DACH2: variants seen among roughly 807,000 people sequenced by gnomAD.
DACH2 encodes dachshund family transcription factor 2.
In DACH2, 17 loss-of-function variants were observed where a neutral mutation model predicts 35.8. That is an observed-to-expected ratio of 0.48 (90% CI 0.33 to 0.71). The LOEUF is 0.71. Among genes scored for constraint, DACH2 ranks in the 30% least tolerant of loss-of-function variants. DACH2 has a pLI of 0.02. For missense variants in DACH2, 469 were observed against 472.7 expected, an observed-to-expected ratio of 0.99 and a Z score of 0.07; for synonymous variants, 195 against 177.3, an observed-to-expected ratio of 1.10 and a Z score of -0.79.
At chrX:86,703,728 C>G (rs978374096) in intron 5 of DACH2, among the ~76,000 whole-genome samples, 1 of 110,626 alleles carries the variant, frequency 9.0e-6, no homozygotes, top group Non-Finnish European at 1.9e-5. Flanking sequence ...GTCGAAAGAT[C>G]TCTACCTAGG....
chrX:86,737,843 C>T (rs921438652), intron 6 of DACH2, among the ~76,000 whole-genome samples: 1 of 111,789 alleles, frequency 8.9e-6, no homozygotes, highest in African/African-American at 3.3e-5. Flanking sequence ...GTTTAGGATA[C>T]TAATGATCCT....
chrX:86,455,425 C>T (rs1372853521), intron 2 of DACH2, among the ~76,000 whole-genome samples: 3 of 111,524 alleles, frequency 2.7e-5, no homozygotes, highest in Non-Finnish European at 5.7e-5. Context: ...ACCGTCCCTC[C>T]CCCCGAAACT....
At chrX:86,599,518 C>CTTTCTTTCTTTCTTTCTTT (rs1569449953) in intron 3 of DACH2, among the ~76,000 whole-genome samples, 1 of 97,226 alleles carries the variant, frequency 1.0e-5, no homozygotes, top group Non-Finnish European at 2.1e-5. Flanking sequence ...TTCTTTCTTT[C>CTTTCTTTCTTTCTTTCTTT]AAAGAGTCTC....
intron 7 of DACH2, among the ~76,000 whole-genome samples, chrX:86,799,611 G>C (rs1189037398): frequency 8.9e-6 from 1 of 111,985 alleles, no homozygotes; most frequent in East Asian, 2.8e-4. Context: ...AACTACTTTA[G>C]AGCTAATCTG....
At chrX:86,343,168 G>T (rs974006204) in intron 1 of DACH2, among the ~76,000 whole-genome samples, 2 of 111,462 alleles carry the variant, frequency 1.8e-5, no homozygotes, top group African/African-American at 6.5e-5. Context: ...TCTAAGGTAT[G>T]CCTGTACTAC....
intron 4 of DACH2, among the ~76,000 whole-genome samples, chrX:86,681,402 G>A (rs764205714): frequency 9.1e-6 from 1 of 110,035 alleles, no homozygotes; most frequent in Non-Finnish European, 1.9e-5. Flanking sequence ...GAAACAGTGA[G>A]ACCCCATCTC....
intron 1 of DACH2, among the ~76,000 whole-genome samples, chrX:86,174,417 A>G (rs953977348): frequency 1.8e-5 from 2 of 110,846 alleles, no homozygotes; most frequent in African/African-American, 3.3e-5. Flanking sequence ...GTTAGCCACC[A>G]TGCCCAGCCT....
intron 5 of DACH2, among the ~76,000 whole-genome samples, chrX:86,708,116 A>G (rs982962599): frequency 3.7e-5 from 4 of 108,942 alleles, no homozygotes; most frequent in African/African-American, 1.3e-4. Context: ...TCTTAGAAAA[A>G]AATAGGAAAA....
intron 1 of DACH2, among the ~76,000 whole-genome samples, chrX:86,289,311 G>T (rs2034220523): frequency 9.4e-6 from 1 of 106,711 alleles, no homozygotes; most frequent in Non-Finnish European, 1.9e-5. Context: ...AGAAGGATGG[G>T]GTATCTTTTG....
intron 7 of DACH2, among the ~76,000 whole-genome samples, chrX:86,783,665 A>T (rs1228912484): frequency 8.9e-6 from 1 of 112,229 alleles, no homozygotes; most frequent in Non-Finnish European, 1.9e-5. Context: ...AGTCAGACAC[A>T]GAACAAAAAA....
intron 11 of DACH2, 32 bp from the exon 12 acceptor site, chrX:86,832,074 A>G (rs1391203940): frequency 5.7e-6 from 6 of 1,054,730 alleles, no homozygotes; most frequent in Non-Finnish European, 6.6e-6. Flanking sequence ...ATGACTCTTC[A>G]TAAGAACTAA....
intron 1 of DACH2, among the ~76,000 whole-genome samples, chrX:86,293,961 A>G (rs930871050): frequency 1.8e-5 from 2 of 111,230 alleles, no homozygotes; most frequent in African/African-American, 6.6e-5. Flanking sequence ...CTGAATCTGA[A>G]TGTTAGCCTG....
intron 1 of DACH2, among the ~76,000 whole-genome samples, chrX:86,331,718 G>T (rs906071311): frequency 1.6e-4 from 18 of 111,229 alleles, no homozygotes; most frequent in Non-Finnish European, 3.4e-4. Flanking sequence ...AAAAATTATA[G>T]ATTAATATTA....
chrX:86,294,118 C>G (rs1056106928), intron 1 of DACH2, among the ~76,000 whole-genome samples: 1 of 111,158 alleles, frequency 9.0e-6, no homozygotes, highest in Admixed American at 9.6e-5. Context: ...AGGCTTTGCT[C>G]GTTTCTTTTT....
intron 1 of DACH2, among the ~76,000 whole-genome samples, chrX:86,151,792 T>C (rs968863402): frequency 9.0e-6 from 1 of 111,568 alleles, no homozygotes; most frequent in Non-Finnish European, 1.9e-5. Context: ...GTGACTTTTC[T>C]ACTCAGTGAA....
chrX:86,467,863 A>C (rs2037698684), intron 2 of DACH2, among the ~76,000 whole-genome samples: 1 of 111,373 alleles, frequency 9.0e-6, no homozygotes, highest in African/African-American at 3.3e-5. Flanking sequence ...CTTCTTGTAA[A>C]ACCGTCAGAT....
At chrX:86,249,791 G>A (rs2033362871) in intron 1 of DACH2, among the ~76,000 whole-genome samples, 1 of 111,147 alleles carries the variant, frequency 9.0e-6, no homozygotes, top group Non-Finnish European at 1.9e-5. Flanking sequence ...GCAAAGACCT[G>A]GAATCAATCT....
intron 3 of DACH2, among the ~76,000 whole-genome samples, chrX:86,519,663 T>C (rs1427109251): frequency 9.0e-6 from 1 of 111,113 alleles, no homozygotes; most frequent in African/African-American, 3.3e-5. Context: ...CTCTTGTAGG[T>C]TTTTTAATTT....
intron 2 of DACH2, among the ~76,000 whole-genome samples, chrX:86,384,295 A>G (rs1288750019): frequency 1.8e-5 from 2 of 111,586 alleles, no homozygotes; most frequent in Admixed American, 1.9e-4. Context: ...GTATAGCCCT[A>G]TTCTTAAAAG....
Sources: allele counts gnomAD v4.1 joint callset (sites outside exome capture counted in the v4.1 genomes callset), GRCh38; gene constraint gnomAD v4.1.1; transcripts MANE v1.5; gene names NCBI Gene and HGNC (gene_info 2026-07-23, HGNC 2026-07-21).